EXOC5: variants seen among roughly 807,000 people sequenced by gnomAD.
EXOC5 encodes the protein SEC10-like 1.
In EXOC5, 17 loss-of-function variants were observed where a neutral mutation model predicts 90.8. The observed-to-expected ratio is 0.19, with a 90% CI of 0.13 to 0.28. The LOEUF is 0.28. Among genes scored for constraint, EXOC5 ranks in the 10% least tolerant of loss-of-function variants. EXOC5 has a pLI of 1.00. For missense variants in EXOC5, 569 were observed against 830.6 expected (o/e 0.69, Z 3.87); for synonymous variants, 260 against 270.0 (o/e 0.96, Z 0.36).
intron 1 of EXOC5, among the ~76,000 whole-genome samples, chr14:57,248,746 G>A (rs1195242357): frequency 6.6e-6 from 1 of 152,028 alleles, no homozygotes; most frequent in East Asian, 1.9e-4. Flanking sequence ...TATCTGCAAA[G>A]TTTTTTCTTA....
At chr14:57,240,336 C>A (rs561415400) in intron 4 of EXOC5, among the ~76,000 whole-genome samples, 1 of 151,748 alleles carries the variant, frequency 6.6e-6, no homozygotes, top group Admixed American at 6.6e-5. Context: ...GGCTGGAGTG[C>A]AATGGCGCGA....
At chr14:57,223,386 A>T (rs1409263066) in intron 12 of EXOC5, among the ~76,000 whole-genome samples, 1 of 152,016 alleles carries the variant, frequency 6.6e-6, no homozygotes, top group Non-Finnish European at 1.5e-5. Context: ...TGGGGTTAAT[A>T]CTTATTATCT....
Position 57,229,781 on chromosome 14 carries a change from C to T in EXOC5, c.1249G>A (p.Val417Ile). The T allele has an allele frequency of 6.6e-7, 1 of 1,526,178 alleles. No homozygotes were observed. The highest frequency in any genetic ancestry group is 1.4e-5 in the African/African-American group (1 of 72,922). 94.5% of individuals were successfully genotyped at this position (1,526,178 alleles called of 1,614,324 possible). A position where few individuals can be genotyped will look rare whatever the true frequency, so the allele number is the denominator to read the frequency against. The change falls in exon 12 of 18, where the codon GTT (valine) becomes ATT (isoleucine). Residue 417 changes from valine (V) to isoleucine (I), a missense_variant. Transcript: ENST00000621441. ...GETFLSQEVV[V>I]NLLQETKQAF... ...TGTTTGGTTTCTTGTAAAAGATTAA[C>T]CACCACTTCTTGGGATAGAAAAGTC...
chr14:57,230,424 A>AACACACACACAC (rs141411059), intron 11 of EXOC5, among the ~76,000 whole-genome samples: 1 of 92,250 alleles, frequency 1.1e-5, no homozygotes, highest in Admixed American at 8.7e-5. Context: ...GACTACCGTA[A>AACACACACACAC]ACACACACAC....
At chr14:57,267,892 T>C (rs530344513) in intron 1 of EXOC5, among the ~76,000 whole-genome samples, 1 of 152,228 alleles carries the variant, frequency 6.6e-6, no homozygotes, top group Non-Finnish European at 1.5e-5. Flanking sequence ...AGGTGCATTA[T>C]ATACATGAAA....
chr14:57,214,988 T>C (rs1235782508), intron 15 of EXOC5, among the ~76,000 whole-genome samples: 1 of 152,058 alleles, frequency 6.6e-6, no homozygotes, highest in East Asian at 1.9e-4. Context: ...CCAGCACTTT[T>C]GGAGGCTGAG....
chr14:57,222,700 A>G (rs1594654410), intron 12 of EXOC5, among the ~76,000 whole-genome samples: 1 of 147,814 alleles, frequency 6.8e-6, no homozygotes, highest in African/African-American at 2.5e-5. Flanking sequence ...ATACCCCCAT[A>G]TATATATATA....
chr14:57,264,816 C>T (rs1264832094), intron 1 of EXOC5, among the ~76,000 whole-genome samples: 1 of 152,194 alleles, frequency 6.6e-6, no homozygotes, highest in Non-Finnish European at 1.5e-5. Flanking sequence ...ACCTATGGCA[C>T]ATCTAGACCT....
At chr14:57,232,820 C>G in intron 9 of EXOC5, 71 bp from the exon 10 acceptor site, 1 of 728,622 alleles carries the variant, frequency 1.4e-6, no homozygotes, top group Admixed American at 3.0e-5. Flanking sequence ...AGATATTTTT[C>G]TTTTAAAATT....
intron 17 of EXOC5, among the ~76,000 whole-genome samples, chr14:57,209,117 T>A (rs1166051496): frequency 2.0e-5 from 3 of 152,104 alleles, no homozygotes; most frequent in Non-Finnish European, 4.4e-5. Flanking sequence ...CAGGGGGACA[T>A]AAATGAAGAC....
intron 5 of EXOC5, among the ~76,000 whole-genome samples, chr14:57,238,087 A>G (rs1264327084): frequency 6.6e-6 from 1 of 151,868 alleles, no homozygotes; most frequent in African/African-American, 2.4e-5. Flanking sequence ...ACAAATGAAG[A>G]AGGAAACAAA....
intron 13 of EXOC5, among the ~76,000 whole-genome samples, chr14:57,220,657 A>G (rs1401304467): frequency 3.9e-5 from 6 of 152,084 alleles, no homozygotes; most frequent in Non-Finnish European, 4.4e-5. Context: ...AAAATTAGCT[A>G]GGTGCAGTGG....
chr14:57,244,468 T>C (rs1362771519), intron 3 of EXOC5, 109 bp from the exon 4 acceptor site: 2 of 803,246 alleles, frequency 2.5e-6, no homozygotes, highest in African/African-American at 3.5e-5. Flanking sequence ...ATATACGAGA[T>C]GATCTACAAA....
At chr14:57,233,678 A>T in intron 9 of EXOC5, 65 bp downstream of exon 9, 1 of 1,025,000 alleles carries the variant, frequency 9.8e-7, no homozygotes. Context: ...AAATACTTTT[A>T]AAATATAGGG....
chr14:57,222,885 A>G (rs2139622901), intron 12 of EXOC5, among the ~76,000 whole-genome samples: 1 of 152,100 alleles, frequency 6.6e-6, no homozygotes, highest in African/African-American at 2.4e-5. Context: ...CCACTGACTG[A>G]GCAAAGAACA....
chr14:57,208,730 T>C lies in EXOC5; in HGVS notation c.2006A>G (p.Asp669Gly), dbSNP rs1348686980. 2.9e-5 allele frequency: 47 copies of C among 1,611,646 alleles called. No homozygotes were observed. Among genetic ancestry groups the C allele is most frequent in the Non-Finnish European group, 4.0e-5 (47 of 1,178,110 alleles). ...TCCTGAGCAGACTTGCTTTAAATTA[T>C]CTGGGGCAACTACCAGAAGATTGCA... ...ALCNLLVVAP[D>G]NLKQVCSGEQ... Residue 669 changes from aspartate (D) to glycine (G), a missense_variant, in exon 18 of 18, where the codon GAT becomes GGT. This residue lies in a region of EXOC5 where 122 missense variants were observed against 180.0 expected (regional missense o/e 0.68). Coordinates refer to ENST00000621441, the MANE Select transcript of EXOC5 (RefSeq NM_006544.4).
chr14:57,267,162 A>C (rs2139677442), intron 1 of EXOC5, among the ~76,000 whole-genome samples: 1 of 152,346 alleles, frequency 6.6e-6, no homozygotes. Context: ...TCCTAGCAGG[A>C]AAAATGTCTC....
chr14:57,243,101 G>C (rs1160034944), intron 4 of EXOC5: 1 of 152,162 alleles, frequency 6.6e-6, no homozygotes, highest in African/African-American at 2.4e-5. Context: ...TCTAAAGGCG[G>C]AAGTTGAGAG....
intron 11 of EXOC5, 36 bp from the exon 12 acceptor site, chr14:57,229,917 C>T: frequency 7.0e-6 from 9 of 1,285,462 alleles, no homozygotes; most frequent in Non-Finnish European, 9.3e-6. Flanking sequence ...AAAAAGAAAA[C>T]ATTTTACTTA....
Sources: allele counts gnomAD v4.1 joint callset (sites outside exome capture counted in the v4.1 genomes callset), GRCh38; gene constraint gnomAD v4.1.1; regional missense constraint gnomAD v4.1.1; transcripts MANE v1.5; gene names NCBI Gene and HGNC (gene_info 2026-07-23, HGNC 2026-07-21).